The following KSR1 variants were observed in gnomAD, a reference collection of about 807,000 sequenced individuals.
The protein encoded by KSR1 is kinase suppressor of ras.
In KSR1, 35 loss-of-function variants were observed where a neutral mutation model predicts 92.9. The ratio of observed to expected loss-of-function variants is 0.38; its 90% CI spans 0.29 to 0.50. The LOEUF (loss-of-function observed/expected upper bound fraction) is 0.50. Among genes scored for constraint, KSR1 ranks in the 20% least tolerant of loss-of-function variants. The pLI is 0.94. For missense variants in KSR1, 972 were observed against 1,158.5 expected (o/e 0.84, Z 2.34); for synonymous variants, 467 against 472.6 (o/e 0.99, Z 0.15).
chr17:27,558,467 C>A (rs903096989), intron 2 of KSR1, among the ~76,000 whole-genome samples: 1 of 152,050 alleles, frequency 6.6e-6, no homozygotes, highest in Non-Finnish European at 1.5e-5. Flanking sequence ...CACATACATG[C>A]GCACACAGTG....
At position 27,617,255 on chromosome 17, in the gene KSR1, C is replaced by A. The variant is rs745315167; in HGVS notation, c.2494-40C>A. On this transcript the variant is annotated intron_variant, in intron 18 of 20. Transcript: ENST00000644974. ...CCCCTACTGTGTGCCCCCTCCCTCC[C>A]AGCCAGCTCACACACCACTAATGGC... is the stretch of plus-strand genomic sequence containing the variant. 3.2e-6 allele frequency: 5 copies of A among 1,577,280 alleles called. No homozygotes were observed. In the East Asian group the frequency reaches 1.1e-4, roughly 36 times the overall value.
rs561475764 is a variant in KSR1, at chr17:27,568,712, CAT to C, written c.373-8778_373-8777del. Among the ~76,000 whole-genome samples, 4 of 152,342 alleles carry C rather than the reference CAT, an allele frequency of 2.6e-5. No individual in the cohort carries two copies. The East Asian group carries it at 7.7e-4, about 29-fold the overall frequency. On this transcript the variant is annotated intron_variant, in intron 2 of 20. Transcript: ENST00000644974. ...CACACCTAGCACCCTGCACCCTCCT[CAT>C]AGGATTACCGCATCCCAGTTTGCCG...
At chr17:27,598,355 G>A (rs1381159338) in intron 10 of KSR1, among the ~76,000 whole-genome samples, 1 of 152,224 alleles carries the variant, frequency 6.6e-6, no homozygotes, top group South Asian at 2.1e-4. Flanking sequence ...CCAGGTCCAT[G>A]AGGACAGGCA....
At chr17:27,501,842 A>G (rs12453960) in intron 1 of KSR1, among the ~76,000 whole-genome samples, 62,672 of 152,244 alleles carry the variant, frequency 0.41, 13,791 homozygotes, top group African/African-American at 0.56. Context: ...AGACACTGCT[A>G]AATACTTTCC....
intron 2 of KSR1, chr17:27,558,211 C>T (rs980600946): frequency 1.3e-5 from 2 of 152,222 alleles, no homozygotes; most frequent in African/African-American, 4.8e-5. Context: ...CCTGCCAGAC[C>T]TCTTCACGCA....
chr17:27,578,420 C>A (rs958956392), intron 3 of KSR1: 1 of 152,440 alleles, frequency 6.6e-6, no homozygotes, highest in Non-Finnish European at 1.5e-5. Flanking sequence ...CCTCTGAACA[C>A]GGCACAGTGT....
intron 2 of KSR1, among the ~76,000 whole-genome samples, chr17:27,551,807 G>A (rs762785321): frequency 1.2e-4 from 19 of 152,158 alleles, no homozygotes; most frequent in Non-Finnish European, 2.5e-4. Context: ...GGTCCAGGCC[G>A]CTGTCACCTC....
chr17:27,614,372 G>A (rs902269963), intron 18 of KSR1, among the ~76,000 whole-genome samples: 3 of 152,220 alleles, frequency 2.0e-5, no homozygotes, highest in Non-Finnish European at 2.9e-5. Flanking sequence ...ATGTATATTT[G>A]TTGCATCTGA....
chr17:27,577,279 C>G lies in KSR1; in HGVS notation c.373-213C>G, dbSNP rs1009752814. On this transcript the variant is annotated intron_variant, in intron 2 of 20. Transcript: ENST00000644974. This position sits in a 1 kb window ranked among gnomAD's most constrained non-coding sequence, Gnocchi z 4.5. ...GTCTTTACTTCCTCCCCTCACCCCC[C>G]ACCGAGTCTGCTTCAGCTGCTGTCT... 6.6e-6 allele frequency among the ~76,000 whole-genome samples: 1 copy of G among 152,160 alleles called. No homozygotes were observed. The highest frequency in any genetic ancestry group is 1.5e-5 in the Non-Finnish European group (1 of 68,032).
At chr17:27,560,489 C>CA (rs1478913372) in intron 2 of KSR1, 1 of 518,966 alleles carries the variant, frequency 1.9e-6, no homozygotes, top group Non-Finnish European at 3.8e-6. Context: ...CCTGACTGGA[C>CA]ATGTTTCTCT....
At chr17:27,546,289 C>T (rs893024931) in intron 1 of KSR1, among the ~76,000 whole-genome samples, 3 of 152,192 alleles carry the variant, frequency 2.0e-5, no homozygotes, top group African/African-American at 7.2e-5. Flanking sequence ...ATAGGGAGAT[C>T]TAACCTAGTC....
At chr17:27,490,188 G>A (rs1408672223) in intron 1 of KSR1, among the ~76,000 whole-genome samples, 1 of 152,204 alleles carries the variant, frequency 6.6e-6, no homozygotes, top group African/African-American at 2.4e-5. Flanking sequence ...CAAGGGGGCT[G>A]TTGAGAGGAT....
Position 27,609,340 on chromosome 17 carries a change from C to T in KSR1, c.2225+11C>T. On this transcript the variant is annotated intron_variant, in intron 16 of 20. Coordinates refer to ENST00000644974, the MANE Select transcript of KSR1 (RefSeq NM_001394583.1). The stretch of plus-strand genomic sequence containing the variant: ...GGTCCGAGAGGGACGGTGAGTTGGT[C>T]TTGAGTGTCTGGGTGGGTTGTGGGT... The T allele has an allele frequency of 6.2e-7, 1 of 1,613,622 alleles. No homozygotes were observed. The highest frequency in any genetic ancestry group is 8.5e-7 in the Non-Finnish European group (1 of 1,179,640).
chr17:27,577,288 T>C lies in KSR1; in HGVS notation c.373-204T>C, dbSNP rs571934868. On this transcript the variant is annotated intron_variant, in intron 2 of 20. Coordinates refer to ENST00000644974, the MANE Select transcript of KSR1 (RefSeq NM_001394583.1). This position sits in a 1 kb window ranked among gnomAD's most constrained non-coding sequence, Gnocchi z 4.5. The stretch of plus-strand genomic sequence containing the variant: ...TCCTCCCCTCACCCCCCACCGAGTC[T>C]GCTTCAGCTGCTGTCTCTGGGAGCC... Among the ~76,000 whole-genome samples the C allele has an allele frequency of 6.6e-6, 1 of 152,216 alleles. No individual in the cohort carries two copies. The highest frequency in any genetic ancestry group is 1.9e-4 in the East Asian group (1 of 5,166).
At position 27,502,388 on chromosome 17, in the gene KSR1, C is replaced by A. The variant is rs545725556; in HGVS notation, c.231+45514C>A. Among the ~76,000 whole-genome samples the A allele has an allele frequency of 7.2e-5, 11 of 152,352 alleles. No individual in the cohort carries two copies. The South Asian group carries it at 8.3e-4, about 11-fold the overall frequency. ...AGTGGGCTTGATGACCCTGAAGTAT[C>A]CCCTCCCTGATTCCGAGACCCTGTC... is the stretch of plus-strand genomic sequence containing the variant. On this transcript the variant is annotated intron_variant, in intron 1 of 20. Coordinates refer to ENST00000644974, the MANE Select transcript of KSR1 (RefSeq NM_001394583.1).
intron 1 of KSR1, among the ~76,000 whole-genome samples, chr17:27,491,160 G>A (rs923004038): frequency 1.3e-5 from 2 of 151,814 alleles, no homozygotes; most frequent in African/African-American, 2.4e-5. Flanking sequence ...TCATTCTGTC[G>A]CCCAGGCTGG....
intron 1 of KSR1, among the ~76,000 whole-genome samples, chr17:27,520,885 C>A (rs2069998704): frequency 6.6e-6 from 1 of 152,224 alleles, no homozygotes; most frequent in Non-Finnish European, 1.5e-5. Context: ...CGTGTGATTC[C>A]CTGTTTGCCA....
rs1312843104 is a variant in KSR1, at chr17:27,625,055, C to G, written c.*1663C>G. ...GGCTGTAAACCCCGTGGATTCAGCT[C>G]CGTGTGGAGTTTCTGTGCTATGGTG... On this transcript the variant is annotated 3_prime_UTR_variant, in exon 21 of 21. Coordinates refer to ENST00000644974, the MANE Select transcript of KSR1 (RefSeq NM_001394583.1). 6.6e-6 allele frequency: 1 copy of G among 152,348 alleles called. No individual in the cohort carries two copies. Among genetic ancestry groups the G allele is most frequent in the Non-Finnish European group, 1.5e-5 (1 of 68,130 alleles). The allele number at this position is 152,348 out of a possible 1,614,324, so 9.4% of individuals were successfully genotyped here. A position where few individuals can be genotyped will look rare whatever the true frequency, so the allele number is the denominator to read the frequency against.
At chr17:27,502,911 A>C (rs2069243250) in intron 1 of KSR1, among the ~76,000 whole-genome samples, 1 of 152,146 alleles carries the variant, frequency 6.6e-6, no homozygotes. Context: ...TAATGCTAGC[A>C]GCTGTGCTGA....
Sources: allele counts gnomAD v4.1 joint callset (sites outside exome capture counted in the v4.1 genomes callset), GRCh38; gene constraint gnomAD v4.1.1; non-coding constraint Gnocchi (gnomAD v3.1); transcripts MANE v1.5; gene names NCBI Gene and HGNC (gene_info 2026-07-23, HGNC 2026-07-21).